The following NKAIN3 variants were observed in gnomAD, a reference collection of about 807,000 sequenced individuals.
The protein encoded by NKAIN3 is sodium/potassium transporting ATPase interacting 3.
NKAIN3 carries 25 observed loss-of-function variants against 30.2 expected under a neutral mutation model. That is an observed-to-expected ratio of 0.83 (90% CI 0.60 to 1.16). NKAIN3 has a LOEUF of 1.16. NKAIN3 is among the 50% of genes most tolerant of loss of function. NKAIN3 has a pLI of 0.00. For missense variants in NKAIN3, 225 were observed against 254.1 expected (o/e 0.89, Z 0.78); for synonymous variants, 91 against 89.6 (o/e 1.02, Z -0.09).
intron 1 of NKAIN3, among the ~76,000 whole-genome samples, chr8:62,309,792 C>G (rs892152941): frequency 6.6e-6 from 1 of 150,412 alleles, no homozygotes; most frequent in Non-Finnish European, 1.5e-5. Context: ...ATCTTTGAAG[C>G]AGCCATGATA....
intron 3 of NKAIN3, among the ~76,000 whole-genome samples, chr8:62,675,435 T>C (rs1813444461): frequency 6.6e-6 from 1 of 152,252 alleles, no homozygotes; most frequent in Admixed American, 6.5e-5. Flanking sequence ...ATATGCATTT[T>C]TCTTCTGACT....
Position 62,276,662 on chromosome 8 carries a change from A to G in NKAIN3, c.54+27535A>G, listed in dbSNP as rs149729620. ...AATTTCCCAATTTATTAATTTATCT[A>G]TCTTTTTCAAGATAGAAAAAAGTAA... On this transcript the variant is annotated intron_variant, in intron 1 of 6. Coordinates refer to ENST00000623646, the MANE Select transcript of NKAIN3 (RefSeq NM_001304533.3). 4.3e-4 allele frequency among the ~76,000 whole-genome samples: 66 copies of G among 152,322 alleles called. No homozygotes were observed. The South Asian group carries it at 5.8e-3, about 13-fold the overall frequency.
intron 3 of NKAIN3, among the ~76,000 whole-genome samples, chr8:62,696,849 G>A (rs1484337993): frequency 1.3e-5 from 2 of 151,970 alleles, no homozygotes; most frequent in East Asian, 3.9e-4. Flanking sequence ...CTAGTTTGTG[G>A]GGATACTATC....
intron 3 of NKAIN3, among the ~76,000 whole-genome samples, chr8:62,690,664 C>T (rs1813939046): frequency 6.6e-6 from 1 of 152,182 alleles, no homozygotes; most frequent in Non-Finnish European, 1.5e-5. Context: ...GACAGAGGCA[C>T]TCCCAGCCAG....
chr8:62,921,127 G>A (rs557624772), intron 5 of NKAIN3, among the ~76,000 whole-genome samples: 1 of 152,250 alleles, frequency 6.6e-6, no homozygotes, highest in Non-Finnish European at 1.5e-5. Context: ...CCAACCCTCA[G>A]TGAGGAAGAC....
At chr8:62,964,535 AGAGTGTGTGT>A (rs1383081199) in intron 6 of NKAIN3, among the ~76,000 whole-genome samples, 5 of 100,000 alleles carry the variant, frequency 5.0e-5, no homozygotes, top group Non-Finnish European at 8.6e-5. Context: ...AGAGAGAGAG[AGAGTGTGTGT>A]GTGTGTGTGT....
intron 3 of NKAIN3, among the ~76,000 whole-genome samples, chr8:62,737,566 T>G (rs1815715269): frequency 6.6e-6 from 1 of 152,162 alleles, no homozygotes; most frequent in African/African-American, 2.4e-5. Flanking sequence ...TAAAGCCATA[T>G]TTTATCTCCT....
At chr8:62,882,200 A>C (rs1022754053) in intron 4 of NKAIN3, among the ~76,000 whole-genome samples, 4 of 152,134 alleles carry the variant, frequency 2.6e-5, no homozygotes, top group Non-Finnish European at 1.5e-5. Context: ...AATGTGACTT[A>C]TCTTCTCCTT....
intron 4 of NKAIN3, among the ~76,000 whole-genome samples, chr8:62,906,189 C>T (rs905791134): frequency 6.6e-6 from 1 of 152,226 alleles, no homozygotes; most frequent in Admixed American, 6.5e-5. Context: ...TCCTCTGTTT[C>T]TGACCCAGCA....
intron 4 of NKAIN3, among the ~76,000 whole-genome samples, chr8:62,779,072 T>G (rs1218082342): frequency 6.6e-6 from 1 of 152,022 alleles, no homozygotes; most frequent in Non-Finnish European, 1.5e-5. Context: ...GTGGCTGAGC[T>G]GGTATCCATG....
At chr8:62,490,152 A>C (rs1264344420) in intron 1 of NKAIN3, among the ~76,000 whole-genome samples, 1 of 152,228 alleles carries the variant, frequency 6.6e-6, no homozygotes, top group East Asian at 1.9e-4. Flanking sequence ...CTAATCTAGC[A>C]GTTTCTGTAG....
At chr8:62,258,672 A>G (rs1812333852) in intron 1 of NKAIN3, among the ~76,000 whole-genome samples, 2 of 152,190 alleles carry the variant, frequency 1.3e-5, no homozygotes, top group African/African-American at 4.8e-5. Flanking sequence ...AAAGAAAAAA[A>G]GAAAAAAAGA....
intron 6 of NKAIN3, among the ~76,000 whole-genome samples, chr8:62,955,012 C>T (rs1180927367): frequency 1.3e-5 from 2 of 152,128 alleles, no homozygotes; most frequent in Non-Finnish European, 2.9e-5. Context: ...ATAATAAACA[C>T]ATATGAAAAG....
chr8:62,312,632 A>C (rs1814481991), intron 1 of NKAIN3, among the ~76,000 whole-genome samples: 1 of 142,230 alleles, frequency 7.0e-6, no homozygotes, highest in South Asian at 2.1e-4. Flanking sequence ...AGCGTGGGCA[A>C]CATAGTGAAA....
At chr8:62,953,024 C>T (rs1823328310) in intron 5 of NKAIN3, among the ~76,000 whole-genome samples, 2 of 151,726 alleles carry the variant, frequency 1.3e-5, no homozygotes, top group South Asian at 4.2e-4. Flanking sequence ...GAATTTTTTG[C>T]CAAAAAAATG....
At chr8:62,339,557 C>T (rs547082539) in intron 1 of NKAIN3, among the ~76,000 whole-genome samples, 2 of 152,034 alleles carry the variant, frequency 1.3e-5, no homozygotes, top group East Asian at 3.9e-4. Context: ...TATGGAGACA[C>T]CTTAAATTTA....
chr8:62,301,301 C>T (rs114689247), intron 1 of NKAIN3, among the ~76,000 whole-genome samples: 2,322 of 151,998 alleles, frequency 0.015, 61 homozygotes, highest in African/African-American at 0.053. Flanking sequence ...TTAAATTGTC[C>T]GGAGTTTAAT....
chr8:62,294,680 A>T (rs1293928233), intron 1 of NKAIN3, among the ~76,000 whole-genome samples: 1 of 151,632 alleles, frequency 6.6e-6, no homozygotes, highest in Non-Finnish European at 1.5e-5. Context: ...GGGGACCACA[A>T]GCACGTGTCA....
intron 3 of NKAIN3, among the ~76,000 whole-genome samples, chr8:62,687,133 A>AT (rs1448128735): frequency 6.6e-6 from 1 of 152,232 alleles, no homozygotes; most frequent in East Asian, 1.9e-4. Context: ...TTATTAACCA[A>AT]TTTAAAGTGC....
Sources: allele counts gnomAD v4.1 joint callset (sites outside exome capture counted in the v4.1 genomes callset), GRCh38; gene constraint gnomAD v4.1.1; transcripts MANE v1.5; gene names NCBI Gene and HGNC (gene_info 2026-07-23, HGNC 2026-07-21).